The following EDIL3 variants were observed in gnomAD, a reference collection of about 807,000 sequenced individuals.
The protein encoded by EDIL3 is EGF like and discoidin domains 3, also known as EGF-like repeat and discoidin I-like domain-containing protein 3.
EDIL3 carries 37 observed loss-of-function variants against 67.4 expected under a neutral mutation model. That is an observed-to-expected ratio of 0.55 (90% CI 0.42 to 0.72). EDIL3 has a LOEUF of 0.72. EDIL3 is among the 30% of genes least tolerant of loss of function. EDIL3 has a pLI of 0.00. For synonymous variants in EDIL3, 195 were observed against 196.3 expected, an observed-to-expected ratio of 0.99 and a Z score of 0.05; for missense variants, 527 against 586.3, an observed-to-expected ratio of 0.90 and a Z score of 1.04.
At chr5:84,248,388 C>T (rs1182661122) in intron 2 of EDIL3, among the ~76,000 whole-genome samples, 1 of 152,202 alleles carries the variant, frequency 6.6e-6, no homozygotes, top group East Asian at 1.9e-4. Context: ...TACCTGACTA[C>T]TCTGCCTCTC....
At chr5:84,016,297 G>A (rs1459876075) in intron 9 of EDIL3, among the ~76,000 whole-genome samples, 2 of 152,130 alleles carry the variant, frequency 1.3e-5, no homozygotes, top group Admixed American at 6.6e-5. Flanking sequence ...GTAAAGTTGA[G>A]TAAATCTAGT....
chr5:83,992,356 A>T (rs1389837022), intron 9 of EDIL3, among the ~76,000 whole-genome samples: 1 of 152,212 alleles, frequency 6.6e-6, no homozygotes, highest in East Asian at 1.9e-4. Flanking sequence ...TCCAGCAATT[A>T]TCAGGTTGAT....
intron 1 of EDIL3, among the ~76,000 whole-genome samples, chr5:84,347,263 T>C (rs1401091173): frequency 1.3e-5 from 2 of 152,230 alleles, no homozygotes; most frequent in African/African-American, 4.8e-5. Context: ...TGTTTGTATC[T>C]GTTCTTCCAT....
At chr5:84,182,785 TA>T (rs1312314581) in intron 3 of EDIL3, among the ~76,000 whole-genome samples, 1 of 149,030 alleles carries the variant, frequency 6.7e-6, no homozygotes, top group African/African-American at 2.5e-5. Context: ...TTTCAAAAAG[TA>T]AAAAGGATTC....
intron 6 of EDIL3, among the ~76,000 whole-genome samples, chr5:84,069,522 A>T (rs1417242344): frequency 1.3e-5 from 2 of 152,188 alleles, no homozygotes; most frequent in Non-Finnish European, 2.9e-5. Context: ...CCACCTAGAA[A>T]GCACTTAGAA....
At chr5:83,945,105 T>C (rs1744289286) in intron 10 of EDIL3, among the ~76,000 whole-genome samples, 1 of 151,990 alleles carries the variant, frequency 6.6e-6, no homozygotes, top group South Asian at 2.1e-4. Context: ...GACTGAAAAG[T>C]CTCTCTGCTG....
intron 9 of EDIL3, among the ~76,000 whole-genome samples, chr5:84,050,598 TC>T (rs1306003233): frequency 1.3e-5 from 2 of 152,160 alleles, no homozygotes; most frequent in East Asian, 3.9e-4. Context: ...ACCTGGAAAA[TC>T]CGGTCACTCC....
chr5:84,158,880 C>G (rs1393316392), intron 4 of EDIL3, among the ~76,000 whole-genome samples: 4 of 151,914 alleles, frequency 2.6e-5, no homozygotes, highest in African/African-American at 9.7e-5. Flanking sequence ...TGTTGCAGTT[C>G]CATTCTCGGC....
At position 84,373,630 on chromosome 5, in the gene EDIL3, A is replaced by G. The variant is rs201785188; in HGVS notation, c.67+10678T>C. 1.1e-4 allele frequency among the ~76,000 whole-genome samples: 17 copies of G among 152,336 alleles called. No homozygotes were observed. The East Asian group carries it at 3.1e-3, about 28-fold the overall frequency. ...AATGGTGAAATCATCCAGATAAAGC[A>G]AAAATGGGTGTAATCAACAGAGAAA... On this transcript the variant is annotated intron_variant, in intron 1 of 10. Transcript: ENST00000296591.
intron 1 of EDIL3, among the ~76,000 whole-genome samples, chr5:84,314,595 G>A (rs1239587947): frequency 2.0e-5 from 3 of 152,162 alleles, no homozygotes; most frequent in African/African-American, 4.8e-5. Flanking sequence ...TTACCTTTGC[G>A]GGAAAGAACA....
intron 9 of EDIL3, among the ~76,000 whole-genome samples, chr5:83,984,877 C>T (rs965115362): frequency 6.6e-4 from 101 of 151,996 alleles, no homozygotes; most frequent in Admixed American, 6.0e-3. Context: ...GCAGAGCTTA[C>T]TTTCATGTAT....
At chr5:84,268,374 A>G (rs1745393101) in intron 1 of EDIL3, among the ~76,000 whole-genome samples, 1 of 152,148 alleles carries the variant, frequency 6.6e-6, no homozygotes, top group Admixed American at 6.5e-5. Flanking sequence ...TTCTGAATCC[A>G]TGTTATGCTT....
intron 1 of EDIL3, among the ~76,000 whole-genome samples, chr5:84,292,747 G>A (rs766728249): frequency 1.3e-5 from 2 of 152,048 alleles, no homozygotes; most frequent in Non-Finnish European, 2.9e-5. Context: ...AATAAGCCCA[G>A]AGTTATTGCT....
Position 84,083,019 on chromosome 5 carries a change from A to G in EDIL3, c.652-16413T>C, listed in dbSNP as rs1034423611. ...TAATGACGTTTACCTGGAAGAGGTC[A>G]TATCTTTTAATCCTTCCAGCTGCTT... On this transcript the variant is annotated intron_variant, in intron 6 of 10. Transcript: ENST00000296591. Among the ~76,000 whole-genome samples, 3 of 152,218 alleles carry G rather than the reference A, an allele frequency of 2.0e-5. No individual in the cohort carries two copies. The East Asian group carries it at 5.8e-4, about 29-fold the overall frequency.
intron 1 of EDIL3, among the ~76,000 whole-genome samples, chr5:84,257,567 CA>C (rs966175995): frequency 3.3e-5 from 5 of 152,014 alleles, no homozygotes; most frequent in Admixed American, 6.6e-5. Context: ...TGAGGAAGAG[CA>C]AAAAATTTGG....
chr5:84,370,811 A>G (rs946622768), intron 1 of EDIL3, among the ~76,000 whole-genome samples: 6 of 152,188 alleles, frequency 3.9e-5, no homozygotes, highest in Non-Finnish European at 5.9e-5. Flanking sequence ...AAGTCAATGC[A>G]TCAGTGCATC....
intron 4 of EDIL3, among the ~76,000 whole-genome samples, chr5:84,142,993 G>T (rs1748228204): frequency 6.6e-6 from 1 of 151,644 alleles, no homozygotes; most frequent in African/African-American, 2.4e-5. Context: ...ATCTTCCCTG[G>T]GCTCCCCATT....
chr5:84,009,642 G>A (rs1213121566), intron 9 of EDIL3, among the ~76,000 whole-genome samples: 2 of 152,070 alleles, frequency 1.3e-5, no homozygotes, highest in South Asian at 2.1e-4. Context: ...TAATGATATC[G>A]AGAGCTGTCA....
At chr5:84,192,414 C>CTAAAGATCAAAT (rs1743610233) in intron 3 of EDIL3, among the ~76,000 whole-genome samples, 1 of 151,886 alleles carries the variant, frequency 6.6e-6, no homozygotes, top group Admixed American at 6.6e-5. Context: ...ACCATTCTAC[C>CTAAAGATCAAAT]ACCTAAAGAT....
Sources: gnomAD v4.1 joint callset for allele counts (sites outside exome capture counted in the v4.1 genomes callset) on GRCh38, gnomAD v4.1.1 for gene constraint, MANE v1.5 for transcripts, NCBI Gene and HGNC (gene_info 2026-07-23, HGNC 2026-07-21) for gene names.